Variants in CD163 observed in about 807,000 individuals in gnomAD.
CD163 encodes the protein CD163 molecule.
In CD163, 64 loss-of-function variants were observed where a neutral mutation model predicts 129.2. That is an observed-to-expected ratio of 0.50 (90% CI 0.41 to 0.61). The LOEUF is 0.61. Among genes scored for constraint, CD163 ranks in the 20% least tolerant of loss-of-function variants. The pLI is 0.00. For synonymous variants in CD163, 446 were observed against 478.5 expected, an observed-to-expected ratio of 0.93 and a Z score of 0.89; for missense variants, 1,061 against 1,377.9, an observed-to-expected ratio of 0.77 and a Z score of 3.64.
intron 6 of CD163, 85 bp downstream of exon 6, chr12:7,494,996 A>T (rs1018075063): frequency 5.7e-5 from 59 of 1,030,880 alleles, no homozygotes; most frequent in Non-Finnish European, 8.2e-5. Context: ...TGATCTAGTC[A>T]TAAGGACCAA....
At chr12:7,475,112 A>AAC (rs1421239648) in intron 16 of CD163, among the ~76,000 whole-genome samples, 1 of 150,538 alleles carries the variant, frequency 6.6e-6, no homozygotes, top group Non-Finnish European at 1.5e-5. Context: ...AAAAAAAAAA[A>AAC]AAAAAACCAT....
At chr12:7,495,748 A>G (rs1949391029) in intron 5 of CD163, among the ~76,000 whole-genome samples, 1 of 152,214 alleles carries the variant, frequency 6.6e-6, no homozygotes, top group African/African-American at 2.4e-5. Flanking sequence ...TGGTCATTAG[A>G]GAAATGCAAA....
In CD163 at chr12:7,495,328, C is replaced by G; in HGVS notation, c.1173G>C (p.Gln391His). 6.2e-7 allele frequency: 1 copy of G among 1,614,182 alleles called. No individual in the cohort carries two copies. The highest frequency in any genetic ancestry group is 8.5e-7 in the Non-Finnish European group (1 of 1,180,022). The change falls in exon 6 of 17, where the codon CAG (glutamine) becomes CAC (histidine). Residue 391 changes from glutamine (Q) to histidine (H), a missense_variant. Coordinates refer to ENST00000432237, the MANE Select transcript of CD163 (RefSeq NM_203416.4). ...TGTCACACACCTTCCCTAACAGTCT[C>G]TGAATCTCCACCTCAACTGTCCCAG... ...RCAGTVEVEI[Q>H]RLLGKVCDRG...
At chr12:7,474,568 G>A (rs1949057706) in intron 16 of CD163, among the ~76,000 whole-genome samples, 1 of 152,108 alleles carries the variant, frequency 6.6e-6, no homozygotes, top group Admixed American at 6.5e-5. Context: ...CTGGGACACA[G>A]CTAAAGCAGT....
intron 16 of CD163, among the ~76,000 whole-genome samples, chr12:7,474,735 ACCAAAG>A (rs988052077): frequency 4.6e-4 from 70 of 152,270 alleles, no homozygotes; most frequent in African/African-American, 1.5e-3. Flanking sequence ...TCAGAGCAAA[ACCAAAG>A]GAGATGGAGA....
At chr12:7,473,781 A>G (rs1451683337) in intron 16 of CD163, among the ~76,000 whole-genome samples, 3 of 152,218 alleles carry the variant, frequency 2.0e-5, no homozygotes, top group African/African-American at 7.2e-5. Context: ...ACAGACTGGC[A>G]AATTGGATAA....
rs199986440 is a variant in CD163, at chr12:7,483,475, T to C, written c.2980A>G (p.Asn994Asp). Reference sequence around the variant, plus strand: ...TCATTCCCTTTGCACTTCACTTCATTGAGCCATATCGGTCCAGTCCCCTGA... The same window carrying C: ...TCATTCCCTTTGCACTTCACTTCATCGAGCCATATCGGTCCAGTCCCCTGA... ...FGQGTGPIWL[N>D]EVKCKGNESS... is the part of the protein sequence containing the mutation. The change falls in exon 12 of 17, where the codon AAT becomes GAT. Residue 994 changes from asparagine (N) to aspartate (D), a missense_variant. Physicochemically the swap from Asn to Asp is conservative, Grantham distance 23. Coordinates refer to ENST00000432237, the MANE Select transcript of CD163 (RefSeq NM_203416.4). The C allele has an allele frequency of 6.2e-7, 1 of 1,614,070 alleles. No homozygotes were observed.
Position 7,471,065 on chromosome 12 carries a change from A to AC in CD163, c.*363_*364insG, listed in dbSNP as rs1310277363. ...ATACAGTACTGTATATGCAAATTGAAACACTGTCAAATAAAACACATTATA... is the reference window on the plus strand; with the variant it reads ...ATACAGTACTGTATATGCAAATTGAACACACTGTCAAATAAAACACATTATA... On this transcript the variant is annotated 3_prime_UTR_variant, in exon 17 of 17. Coordinates refer to ENST00000432237, the MANE Select transcript of CD163 (RefSeq NM_203416.4). The AC allele has an allele frequency of 6.6e-6, 1 of 152,184 alleles. No homozygotes were observed. Among genetic ancestry groups the AC allele is most frequent in the African/African-American group, 2.4e-5 (1 of 41,454 alleles). The allele number at this position is 152,184 out of a possible 1,614,324, so 9.4% of individuals were successfully genotyped here.
intron 12 of CD163, 81 bp downstream of exon 12, chr12:7,483,286 G>T: frequency 7.4e-7 from 1 of 1,349,868 alleles, no homozygotes; most frequent in Non-Finnish European, 1.0e-6. Flanking sequence ...GATAAATCCG[G>T]TTTTTACACA....
Position 7,485,891 on chromosome 12 carries a change from CT to C in CD163, c.2459-476del, listed in dbSNP as rs1949241395. 1.3e-5 allele frequency among the ~76,000 whole-genome samples: 2 copies of C among 152,230 alleles called. No individual in the cohort carries two copies. The highest frequency in any genetic ancestry group is 1.3e-4 in the Admixed American group (2 of 15,298). On this transcript the variant is annotated intron_variant, in intron 10 of 16. Coordinates refer to ENST00000432237, the MANE Select transcript of CD163 (RefSeq NM_203416.4). This position sits in a 1 kb window ranked among gnomAD's most constrained non-coding sequence, Gnocchi z 4.5. ...TCATTAAAATAGGAATAAATCACTT[CT>C]GAGATACAGAGTTTTTCACTTCCTT...
intron 16 of CD163, among the ~76,000 whole-genome samples, chr12:7,476,478 C>A (rs748108687): frequency 5.2e-4 from 79 of 152,236 alleles, no homozygotes; most frequent in Middle Eastern, 3.4e-3. Flanking sequence ...CAAAAACAAG[C>A]AATGAGGAAA....
chr12:7,497,235 G>A (rs1949415783), intron 4 of CD163, 102 bp from the exon 5 acceptor site: 1 of 943,942 alleles, frequency 1.1e-6, no homozygotes, highest in Non-Finnish European at 1.6e-6. Context: ...AGAGATATAA[G>A]TGGAGACAGA....
At chr12:7,480,171 A>T in intron 15 of CD163, 1 of 544,484 alleles carries the variant, frequency 1.8e-6, no homozygotes, top group Non-Finnish European at 3.1e-6. Context: ...CAGTAACAGT[A>T]CATGTTCCTT....
rs1949179828 is a variant in CD163 at position 7,482,749 on chromosome 12, A to C, written c.3141T>G (p.Arg1047=). Residue 1047 remains arginine (R), a synonymous_variant, in exon 14 of 17, where the codon CGT becomes CGG. Coordinates refer to ENST00000432237, the MANE Select transcript of CD163 (RefSeq NM_203416.4). The stretch of plus-strand genomic sequence containing the variant: ...TCCCGACTGCAATAAAGGATGACTG[A>C]CGGGATGAGCGACCTAAGTAAAAGT... The part of the protein sequence containing the change: ...PQKATTGRSS[R]QSSFIAVGIL... 6.2e-7 allele frequency: 1 copy of C among 1,613,972 alleles called. No individual in the cohort carries two copies. The highest frequency in any genetic ancestry group is 8.5e-7 in the Non-Finnish European group (1 of 1,179,960).
Position 7,487,336 on chromosome 12 carries a change from C to G in CD163, c.2050+23G>C, listed in dbSNP as rs759825589. On this transcript the variant is annotated intron_variant, in intron 8 of 16. Transcript: ENST00000432237. This position sits in a 1 kb window ranked among gnomAD's most constrained non-coding sequence, Gnocchi z 5.1. ...GTACACCTTCTCTTAAGACCCATCA[C>G]TGGCTGCCCGTCATCCTCTTACCTG... 1.9e-6 allele frequency: 3 copies of G among 1,544,800 alleles called. No individual in the cohort carries two copies. Among genetic ancestry groups the G allele is most frequent in the African/African-American group, 1.4e-5 (1 of 72,642 alleles).
At chr12:7,500,316 G>A (rs1277865509) in intron 3 of CD163, among the ~76,000 whole-genome samples, 1 of 149,196 alleles carries the variant, frequency 6.7e-6, no homozygotes, top group African/African-American at 2.4e-5. Context: ...AGCTACTCGG[G>A]AGACTGAGGC....
In CD163 at chr12:7,470,977, AG is replaced by A. The variant is rs2136675169; in HGVS notation, c.*451del. 1 of 152,294 alleles carries A rather than the reference AG, an allele frequency of 6.6e-6. No individual in the cohort carries two copies. The highest frequency in any genetic ancestry group is 2.4e-5 in the African/African-American group (1 of 41,580). 9.4% of individuals were successfully genotyped at this position (152,294 alleles called of 1,614,324 possible). On this transcript the variant is annotated 3_prime_UTR_variant, in exon 17 of 17. Transcript: ENST00000432237. ...ACTTTTCCTGTCTTAGAAAAACTAAAGTAAAAATAAATTTATTTTTATTTGG... is the reference window on the plus strand; with the variant it reads ...ACTTTTCCTGTCTTAGAAAAACTAAATAAAAATAAATTTATTTTTATTTGG...
chr12:7,476,296 A>T (rs988068024), intron 16 of CD163, among the ~76,000 whole-genome samples: 2 of 152,194 alleles, frequency 1.3e-5, no homozygotes, highest in African/African-American at 4.8e-5. Flanking sequence ...CCTAAGCAAA[A>T]AGAACAGAGC....
chr12:7,487,431 C>T lies in CD163; in HGVS notation c.1978G>A (p.Gly660Arg), dbSNP rs965071363. ...FHCTGTEQHM[G>R]DCPVTALGAS... is the part of the protein sequence containing the mutation. ...CCTAGAGCAGTTACAGGACAATCTCCCATGTGCTGCTCAGTCCCAGTGCAG... is the reference window on the plus strand; with the variant it reads ...CCTAGAGCAGTTACAGGACAATCTCTCATGTGCTGCTCAGTCCCAGTGCAG... Residue 660 changes from glycine (G) to arginine (R), a missense_variant, in exon 8 of 17, where the codon GGA (glycine) becomes AGA (arginine). Physicochemically the swap from Gly to Arg is moderately radical, Grantham distance 125. Coordinates refer to ENST00000432237, the MANE Select transcript of CD163 (RefSeq NM_203416.4). The surrounding 1 kb of genome is among the most constrained non-coding windows in gnomAD (Gnocchi z 5.1). 5 of 1,613,738 alleles carry T rather than the reference C, an allele frequency of 3.1e-6. No homozygotes were observed. The highest frequency in any genetic ancestry group is 4.2e-6 in the Non-Finnish European group (5 of 1,179,886).
Sources: allele counts gnomAD v4.1 joint callset (sites outside exome capture counted in the v4.1 genomes callset), GRCh38; gene constraint gnomAD v4.1.1; non-coding constraint Gnocchi (gnomAD v3.1); transcripts MANE v1.5; gene names NCBI Gene and HGNC (gene_info 2026-07-23, HGNC 2026-07-21).